VEPH1: variants seen among roughly 807,000 people sequenced by gnomAD.
VEPH1 encodes the protein ventricular zone-expressed PH domain-containing protein homolog 1.
VEPH1 carries 80 observed loss-of-function variants against 85.2 expected under a neutral mutation model. The ratio of observed to expected loss-of-function variants is 0.94; its 90% CI spans 0.78 to 1.13. The LOEUF (loss-of-function observed/expected upper bound fraction) is 1.13, where lower values mean the gene tolerates loss of function less well. Ranked by LOEUF, VEPH1 falls within the 50% of genes most tolerant of loss-of-function variation. VEPH1 has a pLI of 0.00. For synonymous variants in VEPH1, 297 were observed against 348.0 expected, an observed-to-expected ratio of 0.85 and a Z score of 1.63; for missense variants, 955 against 980.5, an observed-to-expected ratio of 0.97 and a Z score of 0.35.
chr3:157,286,281 G>A (rs1716755593), intron 12 of VEPH1: 1 of 371,544 alleles, frequency 2.7e-6, no homozygotes, highest in Non-Finnish European at 5.1e-6. Context: ...GGGTCATCTG[G>A]ATGAAATGAA....
intron 9 of VEPH1, among the ~76,000 whole-genome samples, chr3:157,361,666 T>A (rs1395113233): frequency 6.6e-6 from 1 of 152,198 alleles, no homozygotes; most frequent in Non-Finnish European, 1.5e-5. Flanking sequence ...GTAAAGATTA[T>A]GAGCCTGAGA....
intron 9 of VEPH1, among the ~76,000 whole-genome samples, chr3:157,345,760 G>A (rs1272520590): frequency 1.3e-5 from 2 of 152,164 alleles, no homozygotes; most frequent in Non-Finnish European, 2.9e-5. Context: ...ATTCACAATA[G>A]CAAAGACTTG....
chr3:157,502,633 CAAATATTTCTCT>C (rs947152302), intron 1 of VEPH1, among the ~76,000 whole-genome samples: 3 of 152,026 alleles, frequency 2.0e-5, no homozygotes, highest in African/African-American at 7.3e-5. Context: ...ATGACCAACT[CAAATATTTCTCT>C]AAATATTTTT....
chr3:157,331,270 A>G (rs982797614), intron 9 of VEPH1, among the ~76,000 whole-genome samples: 2 of 152,212 alleles, frequency 1.3e-5, no homozygotes, highest in Non-Finnish European at 1.5e-5. Context: ...TCGGCAATAC[A>G]GAAGCTCTGT....
At chr3:157,377,591 C>T (rs1326268884) in intron 7 of VEPH1, among the ~76,000 whole-genome samples, 1 of 152,034 alleles carries the variant, frequency 6.6e-6, no homozygotes, top group Non-Finnish European at 1.5e-5. Context: ...GGCAGTTTCC[C>T]CCATGCTGTT....
At chr3:157,470,168 C>T (rs886144361) in intron 3 of VEPH1, 146 bp downstream of exon 3, 29 of 706,274 alleles carry the variant, frequency 4.1e-5, no homozygotes, top group African/African-American at 1.1e-4. Context: ...TATTAATTAC[C>T]GGCCCTCCCA....
rs1175423400 is a variant in VEPH1, at chr3:157,391,878, C to A, written c.907-10502G>T. The stretch of plus-strand genomic sequence containing the variant: ...CACATACAAAGGCAATCCCATCACG[C>A]TAACAGACTTCTTAACAGAAACAAG... On this transcript the variant is annotated intron_variant, in intron 6 of 13. Transcript: ENST00000362010. Among the ~76,000 whole-genome samples the A allele has an allele frequency of 9.2e-5, 14 of 152,282 alleles. No individual in the cohort carries two copies. In the South Asian group the frequency reaches 2.7e-3, roughly 29 times the overall value.
chr3:157,498,903 A>C (rs1024270002), intron 1 of VEPH1, among the ~76,000 whole-genome samples: 12 of 152,250 alleles, frequency 7.9e-5, no homozygotes, highest in Non-Finnish European at 1.8e-4. Flanking sequence ...ACACACAAGC[A>C]TACCATATAC....
At chr3:157,473,067 C>CTTTTTTTTTTTTTTTTTTTTT (rs200991031) in intron 2 of VEPH1, among the ~76,000 whole-genome samples, 1 of 82,676 alleles carries the variant, frequency 1.2e-5, no homozygotes, top group Non-Finnish European at 2.1e-5. Context: ...TTAAATGAAC[C>CTTTTTTTTTTTTTTTTTTTTT]TTTTTTTTTT....
At chr3:157,378,910 C>T (rs973874348) in intron 7 of VEPH1, among the ~76,000 whole-genome samples, 1 of 152,148 alleles carries the variant, frequency 6.6e-6, no homozygotes, top group Non-Finnish European at 1.5e-5. Context: ...ATTTTGTGTC[C>T]TCTAATATAA....
chr3:157,345,390 A>C (rs1393180935), intron 9 of VEPH1, among the ~76,000 whole-genome samples: 2 of 152,256 alleles, frequency 1.3e-5, no homozygotes, highest in Non-Finnish European at 2.9e-5. Flanking sequence ...GACACTTCTC[A>C]AAAGAAGACA....
At chr3:157,500,845 G>C (rs1388940955) in intron 1 of VEPH1, among the ~76,000 whole-genome samples, 1 of 152,134 alleles carries the variant, frequency 6.6e-6, no homozygotes, top group Non-Finnish European at 1.5e-5. Context: ...TCCAAGCTCA[G>C]CTATGCCATT....
intron 6 of VEPH1, among the ~76,000 whole-genome samples, chr3:157,386,221 A>C (rs931258009): frequency 8.5e-6 from 1 of 117,454 alleles, no homozygotes; most frequent in African/African-American, 3.3e-5. Context: ...ATTGTTCATT[A>C]GTTGTTACTT....
intron 4 of VEPH1, among the ~76,000 whole-genome samples, chr3:157,445,342 G>C (rs541834451): frequency 6.6e-6 from 1 of 152,296 alleles, no homozygotes; most frequent in Non-Finnish European, 1.5e-5. Flanking sequence ...AAAAACTACA[G>C]CCAGGCGGGG....
At chr3:157,267,158 C>T (rs1303388917) in intron 12 of VEPH1, among the ~76,000 whole-genome samples, 1 of 143,744 alleles carries the variant, frequency 7.0e-6, no homozygotes, top group Non-Finnish European at 1.5e-5. Flanking sequence ...TGCAGTGGCA[C>T]GATCTCAGCT....
intron 10 of VEPH1, among the ~76,000 whole-genome samples, chr3:157,315,113 G>A (rs1428411821): frequency 6.6e-6 from 1 of 152,002 alleles, no homozygotes; most frequent in Non-Finnish European, 1.5e-5. Context: ...GAAATCATAT[G>A]TTCTTTTTAT....
chr3:157,387,238 C>G (rs903084180), intron 6 of VEPH1, among the ~76,000 whole-genome samples: 3 of 152,128 alleles, frequency 2.0e-5, no homozygotes, highest in Non-Finnish European at 2.9e-5. Flanking sequence ...CATAAAGGTG[C>G]TCTGCTATCC....
chr3:157,435,237 T>C (rs1430559688), intron 4 of VEPH1, among the ~76,000 whole-genome samples: 1 of 152,254 alleles, frequency 6.6e-6, no homozygotes, highest in Non-Finnish European at 1.5e-5. Context: ...ATATTTCAAC[T>C]AAATGCAGTT....
chr3:157,413,305 A>T, intron 6 of VEPH1: 1 of 231,974 alleles, frequency 4.3e-6, no homozygotes. Flanking sequence ...TATTTAGCCT[A>T]GTACTTTTAA....
Sources: allele counts gnomAD v4.1 joint callset (sites outside exome capture counted in the v4.1 genomes callset), GRCh38; gene constraint gnomAD v4.1.1; transcripts MANE v1.5; gene names NCBI Gene and HGNC (gene_info 2026-07-23, HGNC 2026-07-21).